RYR1: variants seen among roughly 807,000 people sequenced by gnomAD.
RYR1 encodes ryanodine receptor 1, also known as central core disease of muscle.
Under a neutral mutation model 583.5 loss-of-function variants are expected in RYR1, and 342 were observed. The ratio of observed to expected loss-of-function variants is 0.59; its 90% confidence interval spans 0.54 to 0.64. The LOEUF (loss-of-function observed/expected upper bound fraction) is 0.64. Among genes scored for constraint, RYR1 ranks in the 30% least tolerant of loss-of-function variants. RYR1 has a pLI of 0.00. For missense variants in RYR1, 6,032 were observed against 6,917.2 expected (o/e 0.87, Z 4.54); for synonymous variants, 2,791 against 2,822.5 (o/e 0.99, Z 0.35).
Position 38,452,918 on chromosome 19 carries a change from C to T in RYR1, c.1344C>T (p.Ile448=), listed in dbSNP as rs1288829088. 11 of 1,613,874 alleles carry T rather than the reference C, an allele frequency of 6.8e-6. No homozygotes were observed. Among genetic ancestry groups the T allele is most frequent in the Non-Finnish European group, 8.5e-6 (10 of 1,179,832 alleles). The change falls in exon 13 of 106, where the codon ATC becomes ATT. Residue 448 remains isoleucine, a synonymous_variant. Transcript: ENST00000359596. ...TTATCCTGAGCCTGCAGGACCTCATCATCTACTTCGAGCCTCCCTCCGAGG... is the reference window on the plus strand; with the variant it reads ...TTATCCTGAGCCTGCAGGACCTCATTATCTACTTCGAGCCTCCCTCCGAGG... The part of the protein sequence containing the change: ...EGVILSLQDL[I]IYFEPPSEDL...
intron 99 of RYR1, among the ~76,000 whole-genome samples, chr19:38,579,365 C>G (rs1974096590): frequency 6.7e-6 from 1 of 148,622 alleles, no homozygotes; most frequent in East Asian, 2.0e-4. Flanking sequence ...GCGGAGGTTG[C>G]AGTGAGCTGA....
At chr19:38,519,143 G>T in intron 66 of RYR1, 71 bp from the exon 67 acceptor site, 1 of 1,611,904 alleles carries the variant, frequency 6.2e-7, no homozygotes, top group Non-Finnish European at 8.5e-7. Flanking sequence ...TTTGGGAGTC[G>T]GGCTGGGAAC....
At position 38,444,070 on chromosome 19, in the gene RYR1, GGT is replaced by G; in HGVS notation, c.425-77_425-76del. The G allele has an allele frequency of 8.0e-7, 1 of 1,257,070 alleles. No individual in the cohort carries two copies. Among genetic ancestry groups the G allele is most frequent in the Admixed American group, 1.7e-5 (1 of 59,300 alleles). The allele number at this position is 1,257,070 out of a possible 1,614,324, so 77.9% of individuals were successfully genotyped here. A position where few individuals can be genotyped will look rare whatever the true frequency, so the allele number is the denominator to read the frequency against. On this transcript the variant is annotated intron_variant, in intron 5 of 105. Transcript: ENST00000359596. This position sits in a 1 kb window ranked among gnomAD's most constrained non-coding sequence, Gnocchi z 5.1. ...TGTGGGCCAAGGGCCCGGGAGGCCTGGTGGAGGGAGAGCCCTGGGGAAGAGCA... is the reference window on the plus strand; with the variant it reads ...TGTGGGCCAAGGGCCCGGGAGGCCTGGGAGGGAGAGCCCTGGGGAAGAGCA...
chr19:38,440,801 C>T lies in RYR1; in HGVS notation c.102C>T (p.Leu34=). 5.0e-6 allele frequency: 8 copies of T among 1,609,238 alleles called. No individual in the cohort carries two copies. Among genetic ancestry groups the T allele is most frequent in the Non-Finnish European group, 6.8e-6 (8 of 1,178,648 alleles). ...CCGTGCTCAAGGAGCAGCTCAAGCT[C>T]TGCCTGGCCGCCGAGGGCTTCGGCA... ...SATVLKEQLK[L]CLAAEGFGNR... Residue 34 remains leucine (L), a synonymous_variant, in exon 2 of 106, where the codon CTC becomes CTT. Transcript: ENST00000359596.
At position 38,452,851 on chromosome 19, in the gene RYR1, G is replaced by A. The variant is rs957006593; in HGVS notation, c.1277G>A (p.Gly426Asp). The change falls in exon 13 of 106, where the codon GGC (glycine) becomes GAC (aspartate). Residue 426 changes from glycine to aspartate, a missense_variant. Transcript: ENST00000359596. The part of the protein sequence containing the change: ...SLDSFSGKPR[G>D]SGPPAGTALP... ...GACAGCTTCAGCGGGAAGCCACGGG[G>A]CTCGGGGCCACCCGCTGGCACGGCG... 6.2e-6 allele frequency: 10 copies of A among 1,605,208 alleles called. No individual in the cohort carries two copies. Among genetic ancestry groups the A allele is most frequent in the Non-Finnish European group, 7.7e-6 (9 of 1,176,098 alleles).
chr19:38,488,467 CCT>C (rs1416453870), intron 34 of RYR1, among the ~76,000 whole-genome samples: 1 of 152,092 alleles, frequency 6.6e-6, no homozygotes, highest in Non-Finnish European at 1.5e-5. Context: ...TCGTCTACTC[CCT>C]CTTTACTTCC....
chr19:38,548,502 G>T, intron 89 of RYR1, 82 bp downstream of exon 89: 3 of 1,319,900 alleles, frequency 2.3e-6, no homozygotes, highest in Non-Finnish European at 3.3e-6. Context: ...GGCTGCCTCA[G>T]GCAAGAGACA....
intron 88 of RYR1, among the ~76,000 whole-genome samples, chr19:38,547,747 A>C (rs1972495539): frequency 2.1e-5 from 3 of 144,336 alleles, no homozygotes; most frequent in African/African-American, 5.2e-5. Context: ...ACAGAGTCTC[A>C]CTCCATCACC....
intron 99 of RYR1, among the ~76,000 whole-genome samples, chr19:38,578,479 G>T (rs1974057722): frequency 6.6e-6 from 1 of 152,208 alleles, no homozygotes; most frequent in Admixed American, 6.5e-5. Context: ...GATCACTGGA[G>T]CCCAGAGTTT....
chr19:38,529,209 C>T (rs1198894727), intron 76 of RYR1, 152 bp downstream of exon 76: 11 of 781,314 alleles, frequency 1.4e-5, no homozygotes, highest in East Asian at 2.7e-5. Flanking sequence ...TGGTCAGGCA[C>T]GGTGGCTCAC....
chr19:38,438,319 A>G (rs185077897), intron 1 of RYR1, among the ~76,000 whole-genome samples: 20 of 151,630 alleles, frequency 1.3e-4, no homozygotes, highest in Admixed American at 1.3e-3. Context: ...TGACATTAAC[A>G]TTACATATTA....
At chr19:38,578,745 C>T (rs1187345390) in intron 99 of RYR1, among the ~76,000 whole-genome samples, 1 of 152,070 alleles carries the variant, frequency 6.6e-6, no homozygotes, top group East Asian at 1.9e-4. Flanking sequence ...GAGCCAAGAT[C>T]GCACCACTGC....
chr19:38,501,237 C>T (rs771963918), intron 47 of RYR1, among the ~76,000 whole-genome samples: 7 of 152,206 alleles, frequency 4.6e-5, no homozygotes, highest in Non-Finnish European at 8.8e-5. Context: ...TGGTGACTCG[C>T]GCCTGTAATC....
chr19:38,585,918 C>T lies in RYR1; in HGVS notation c.14804-20C>T. 6.2e-7 allele frequency: 1 copy of T among 1,614,100 alleles called. No individual in the cohort carries two copies. The highest frequency in any genetic ancestry group is 8.5e-7 in the Non-Finnish European group (1 of 1,180,026). On this transcript the variant is annotated intron_variant, in intron 102 of 105. Transcript: ENST00000359596. ...AACCAGGTCAGAGGTCGGGCACTGA[C>T]TTGTGTCCTGCCACCCCAGGTCTGA... is the stretch of plus-strand genomic sequence containing the variant.
At chr19:38,534,566 G>T (rs758755647) in intron 78 of RYR1, among the ~76,000 whole-genome samples, 154 bp from the exon 79 acceptor site, 1 of 152,160 alleles carries the variant, frequency 6.6e-6, no homozygotes, top group Non-Finnish European at 1.5e-5. Flanking sequence ...GAGATACATC[G>T]AGGGTGTGAG....
Position 38,463,542 on chromosome 19 carries a change from G to A in RYR1, c.2682+15G>A. The A allele has an allele frequency of 6.2e-7, 1 of 1,608,988 alleles. No homozygotes were observed. ...CCTACGGCCCGGTGAGGGGCTGCCT[G>A]CAGCCTGCGGGAGGCCGGCTAGACT... is the stretch of plus-strand genomic sequence containing the variant. On this transcript the variant is annotated intron_variant, in intron 21 of 105. Transcript: ENST00000359596.
At chr19:38,464,430 AAGAC>A (rs977045369) in intron 22 of RYR1, among the ~76,000 whole-genome samples, 2 of 152,122 alleles carry the variant, frequency 1.3e-5, no homozygotes, top group African/African-American at 4.8e-5. Flanking sequence ...CAGACAGGAA[AAGAC>A]AGACATAGTT....
rs778195980 is a variant in RYR1 at position 38,510,483 on chromosome 19, T to G, written c.8933-15T>G. ...GCCTTGAACCCACTGTGAACCCTAT[T>G]TGCCCTCCCTACAGAGGCTGTGGTC... On this transcript the variant is annotated splice_polypyrimidine_tract_variant and intron_variant, in intron 58 of 105. Coordinates refer to ENST00000359596, the MANE Select transcript of RYR1 (RefSeq NM_000540.3). 5 of 1,614,150 alleles carry G rather than the reference T, an allele frequency of 3.1e-6. No individual in the cohort carries two copies. Among genetic ancestry groups the G allele is most frequent in the Non-Finnish European group, 3.4e-6 (4 of 1,180,010 alleles).
chr19:38,530,420 A>G (rs930065821), intron 76 of RYR1, among the ~76,000 whole-genome samples: 8 of 144,658 alleles, frequency 5.5e-5, no homozygotes, highest in Non-Finnish European at 1.2e-4. Flanking sequence ...ACGTGCCTCC[A>G]TGCCTGGCTA....
Sources: gnomAD v4.1 joint callset for allele counts (sites outside exome capture counted in the v4.1 genomes callset) on GRCh38, gnomAD v4.1.1 for gene constraint, Gnocchi (gnomAD v3.1) non-coding constraint, MANE v1.5 for transcripts, NCBI Gene and HGNC (gene_info 2026-07-23, HGNC 2026-07-21) for gene names.